AHDC1: variants seen among roughly 807,000 people sequenced by gnomAD.
AHDC1 encodes the protein AT-hook DNA binding motif containing 1.
AHDC1 carries 7 observed loss-of-function variants against 87.9 expected under a neutral mutation model. The ratio of observed to expected loss-of-function variants is 0.08; its 90% CI spans 0.05 to 0.15. The LOEUF is 0.15. AHDC1 is among the 10% of genes least tolerant of loss of function. AHDC1 has a pLI of 1.00. For missense variants in AHDC1, 1,841 were observed against 2,253.2 expected, an observed-to-expected ratio of 0.82 and a Z score of 3.70; for synonymous variants, 1,051 against 1,006.8, an observed-to-expected ratio of 1.04 and a Z score of -0.83.
At chr1:27,580,843 G>GTT (rs1192503409) in intron 3 of AHDC1, among the ~76,000 whole-genome samples, 1 of 149,132 alleles carries the variant, frequency 6.7e-6, no homozygotes, top group East Asian at 2.0e-4. Flanking sequence ...AAAAACTTGG[G>GTT]TTTTTTTTTT....
At chr1:27,557,287 G>A (rs1386358910) in intron 5 of AHDC1, among the ~76,000 whole-genome samples, 1 of 150,142 alleles carries the variant, frequency 6.7e-6, no homozygotes, top group East Asian at 2.0e-4. Context: ...CCTGCCCTTG[G>A]CCCTTCCAGA....
intron 3 of AHDC1, among the ~76,000 whole-genome samples, chr1:27,564,563 C>A (rs1373540904): frequency 2.0e-5 from 3 of 152,210 alleles, no homozygotes; most frequent in Non-Finnish European, 4.4e-5. Flanking sequence ...GCCCAAGCCA[C>A]AGAGCAAATT....
At chr1:27,571,400 C>G (rs149711187) in intron 3 of AHDC1, among the ~76,000 whole-genome samples, 1 of 152,146 alleles carries the variant, frequency 6.6e-6, no homozygotes, top group Non-Finnish European at 1.5e-5. Flanking sequence ...GACAAAGAGC[C>G]TGGAGCGGAG....
intron 5 of AHDC1, among the ~76,000 whole-genome samples, chr1:27,557,268 C>T (rs1423641679): frequency 6.6e-6 from 1 of 151,720 alleles, no homozygotes; most frequent in African/African-American, 2.4e-5. Flanking sequence ...TGCTCCGCCC[C>T]CCTCCCCTCC....
At chr1:27,569,042 G>A (rs930709105) in intron 3 of AHDC1, among the ~76,000 whole-genome samples, 2 of 78,124 alleles carry the variant, frequency 2.6e-5, no homozygotes, top group Non-Finnish European at 5.6e-5. Flanking sequence ...GAACCCCCCC[G>A]CCCACTTGCC....
chr1:27,558,697 C>A lies in AHDC1; in HGVS notation c.-451+9G>T. ...CAGGCCCAAGCCTGACTTCCCTGCACACTGTTACCTGAGCAGGCTGCGAAG... is the reference window on the plus strand; with the variant it reads ...CAGGCCCAAGCCTGACTTCCCTGCAAACTGTTACCTGAGCAGGCTGCGAAG... On this transcript the variant is annotated intron_variant, in intron 4 of 8. Coordinates refer to ENST00000673934, the MANE Select transcript of AHDC1 (RefSeq NM_001371928.1). This position sits in a 1 kb window ranked among gnomAD's most constrained non-coding sequence, Gnocchi z 5.6. 2.5e-6 allele frequency: 1 copy of A among 398,628 alleles called. No homozygotes were observed. Among genetic ancestry groups the A allele is most frequent in the Non-Finnish European group, 4.4e-6 (1 of 226,056 alleles). 24.7% of individuals were successfully genotyped at this position (398,628 alleles called of 1,614,324 possible). A position where few individuals can be genotyped will look rare whatever the true frequency, so the allele number is the denominator to read the frequency against.
intron 8 of AHDC1, among the ~76,000 whole-genome samples, chr1:27,535,252 A>G (rs200749705): frequency 1.3e-5 from 2 of 152,184 alleles, no homozygotes; most frequent in East Asian, 3.9e-4. Context: ...ACCCTTTAGT[A>G]GTGCTATGAC....
In AHDC1 at chr1:27,549,777, T is replaced by C. The variant is rs1341249867; in HGVS notation, c.2339A>G (p.His780Arg). Reference protein sequence around the residue: ...GDKGGGWAPHHGHPGGQAGRN... With the variant: ...GDKGGGWAPHRGHPGGQAGRN... The stretch of plus-strand genomic sequence containing the variant: ...GCCAGCTTGTCCGCCTGGGTGCCCA[T>C]GGTGAGGGGCCCAGCCACCACCCTT... Residue 780 changes from histidine to arginine, a missense_variant, in exon 8 of 9, where the codon CAT becomes CGT. Around this residue, in one of 13 missense-constraint regions of AHDC1, gnomAD observed 236 missense variants for 257.9 expected, o/e 0.92. Transcript: ENST00000673934. The C allele has an allele frequency of 4.3e-6, 7 of 1,613,138 alleles. No homozygotes were observed. The highest frequency in any genetic ancestry group is 1.7e-5 in the Admixed American group (1 of 60,002).
chr1:27,577,674 CCT>C (rs954317696), intron 3 of AHDC1, among the ~76,000 whole-genome samples: 2 of 152,222 alleles, frequency 1.3e-5, no homozygotes. Flanking sequence ...CTCTGGGCCC[CCT>C]GTTTCCACAG....
At chr1:27,566,639 TG>T in intron 3 of AHDC1, among the ~76,000 whole-genome samples, 1 of 67,256 alleles carries the variant, frequency 1.5e-5, no homozygotes, top group Middle Eastern at 0.013. Context: ...TGTTAGAGTG[TG>T]GGGGGAACAG....
chr1:27,587,186 T>C (rs1005771017), intron 3 of AHDC1, among the ~76,000 whole-genome samples: 10 of 152,214 alleles, frequency 6.6e-5, no homozygotes, highest in Non-Finnish European at 2.9e-5. Flanking sequence ...ATGGGGAAAC[T>C]GAGGCCGGGG....
chr1:27,588,224 C>A (rs1280865828), intron 3 of AHDC1, among the ~76,000 whole-genome samples: 5 of 152,236 alleles, frequency 3.3e-5, no homozygotes, highest in Non-Finnish European at 7.3e-5. Context: ...CACCCTTCCA[C>A]GCTTCCTCTT....
chr1:27,553,900 T>A (rs1030102924), intron 5 of AHDC1, among the ~76,000 whole-genome samples: 1 of 152,008 alleles, frequency 6.6e-6, no homozygotes, highest in African/African-American at 2.4e-5. Flanking sequence ...ACCTCGTCCC[T>A]ACAAAAATTT....
In AHDC1 at chr1:27,590,885, TCCCTCAACCCCC is replaced by T; in HGVS notation, c.-629+12500_-629+12511del. Among the ~76,000 whole-genome samples, 1 of 152,064 alleles carries T rather than the reference TCCCTCAACCCCC, an allele frequency of 6.6e-6. No individual in the cohort carries two copies. ...GGGAGTGGGGAACAGGCAGGTGGGC[TCCCTCAACCCCC>T]AGCACCTTGGATGAGCAGTTGGAGA... On this transcript the variant is annotated intron_variant, in intron 3 of 8. Coordinates refer to ENST00000673934, the MANE Select transcript of AHDC1 (RefSeq NM_001371928.1). This position sits in a 1 kb window ranked among gnomAD's most constrained non-coding sequence, Gnocchi z 5.4.
Position 27,550,585 on chromosome 1 carries a change from G to T in AHDC1, c.1531C>A (p.Leu511Met). ...SLSVEGKELGLRVSAEPTPLL... is the reference protein window; with the variant it reads ...SLSVEGKELGMRVSAEPTPLL... The stretch of plus-strand genomic sequence containing the variant: ...GGGGTGGGCTCAGCCGACACGCGCA[G>T]GCCCAGCTCCTTGCCCTCCACGCTC... The change falls in exon 8 of 9, where the codon CTG becomes ATG. Residue 511 changes from leucine (L) to methionine (M), a missense_variant. This residue lies in a region of AHDC1 where 18 missense variants were observed against 18.0 expected (regional missense o/e 1.00). Transcript: ENST00000673934. The T allele has an allele frequency of 6.2e-7, 1 of 1,613,800 alleles. No individual in the cohort carries two copies. The highest frequency in any genetic ancestry group is 8.5e-7 in the Non-Finnish European group (1 of 1,180,036).
At chr1:27,602,739 C>T (rs1301471580) in intron 3 of AHDC1, among the ~76,000 whole-genome samples, 1 of 152,140 alleles carries the variant, frequency 6.6e-6, no homozygotes, top group Non-Finnish European at 1.5e-5. Flanking sequence ...AAAAGTGAGC[C>T]GACTTTGTTC....
At chr1:27,538,399 T>TAAAAAA (rs2018743629) in intron 8 of AHDC1, among the ~76,000 whole-genome samples, 1 of 85,952 alleles carries the variant, frequency 1.2e-5, no homozygotes, top group African/African-American at 7.2e-5. Flanking sequence ...CAAGACTGTC[T>TAAAAAA]CAAAAAAAAA....
Position 27,534,898 on chromosome 1 carries a change from G to C in AHDC1, c.*62C>G, listed in dbSNP as rs2018576460. ...CGATGTGGACGCTGGGAGGGATCTT[G>C]GCGTTGGTTTTCTGAAAGCTGCAAA... On this transcript the variant is annotated 3_prime_UTR_variant, in exon 9 of 9. Transcript: ENST00000673934. 2 of 152,202 alleles carry C rather than the reference G, an allele frequency of 1.3e-5. No individual in the cohort carries two copies. The highest frequency in any genetic ancestry group is 2.1e-4 in the South Asian group (1 of 4,820). 9.4% of individuals were successfully genotyped at this position (152,202 alleles called of 1,614,324 possible).
rs914172900 is a variant in AHDC1 at position 27,593,280 on chromosome 1, G to T, written c.-629+10117C>A. On this transcript the variant is annotated intron_variant, in intron 3 of 8. Transcript: ENST00000673934. The surrounding 1 kb of genome is among the most constrained non-coding windows in gnomAD (Gnocchi z 4.9). ...TAGGATTACTTCTGCATGACTGCCC[G>T]CTCCACAGGGTTCCAGAGACCCTCC... Among the ~76,000 whole-genome samples the T allele has an allele frequency of 6.6e-6, 1 of 151,906 alleles. No homozygotes were observed. The highest frequency in any genetic ancestry group is 2.4e-5 in the African/African-American group (1 of 41,340).
Sources: allele counts gnomAD v4.1 joint callset (sites outside exome capture counted in the v4.1 genomes callset), GRCh38; gene constraint gnomAD v4.1.1; regional missense constraint gnomAD v4.1.1; non-coding constraint Gnocchi (gnomAD v3.1); transcripts MANE v1.5; gene names NCBI Gene and HGNC (gene_info 2026-07-23, HGNC 2026-07-21).